Variants in H2BC21 observed in about 807,000 individuals in gnomAD.
H2BC21 encodes histone H2B type 2-E.
In H2BC21, 2 loss-of-function variants were observed where a neutral mutation model predicts 6.2. That is an observed-to-expected ratio of 0.32 (90% CI 0.13 to 1.02). The LOEUF is 1.02. H2BC21 is among the 50% of genes least tolerant of loss of function. The pLI is 0.47. For synonymous variants in H2BC21, 109 were observed against 75.2 expected (o/e 1.45, Z -2.33); for missense variants, 98 against 172.2 (o/e 0.57, Z 2.41).
chr1:149,886,609 G>A lies in H2BC21; in HGVS notation c.32C>T (p.Pro11Leu). 6.2e-7 allele frequency: 1 copy of A among 1,614,052 alleles called. No individual in the cohort carries two copies. Among genetic ancestry groups the A allele is most frequent in the Non-Finnish European group, 8.5e-7 (1 of 1,180,026 alleles). The change falls in exon 1 of 1, where the codon CCT (proline) becomes CTT (leucine). Residue 11 changes from proline (P) to leucine (L), a missense_variant. Physicochemically the swap from Pro to Leu is moderately conservative, Grantham distance 98. This residue lies in a region of H2BC21 where 50 missense variants were observed against 34.4 expected (regional missense o/e 1.45). Coordinates refer to ENST00000369155, the MANE Select transcript of H2BC21 (RefSeq NM_003528.3). ...GACGGCTTTCTTGGAGCCCTTTTTA[G>A]GGGCCGGAGCGGATTTTGCCGGTTC... MPEPAKSAPAPKKGSKKAVTK... is the reference protein window; with the variant it reads MPEPAKSAPALKKGSKKAVTK...
At position 149,886,074 on chromosome 1, in the gene H2BC21, T is replaced by G. The variant is rs2092295962; in HGVS notation, c.*186A>C. On this transcript the variant is annotated 3_prime_UTR_variant, in exon 1 of 1. Transcript: ENST00000369155. ...CGCACTGGGGACCTCGAGTTCCAAA[T>G]AGTTAAAAAGCTACGTATGCCATTT... 1 of 1,033,130 alleles carries G rather than the reference T, an allele frequency of 9.7e-7. No individual in the cohort carries two copies. The highest frequency in any genetic ancestry group is 2.9e-5 in the Admixed American group (1 of 34,734). The allele number at this position is 1,033,130 out of a possible 1,614,324, so 64.0% of individuals were successfully genotyped here.
rs2092300799 is a variant in H2BC21 at position 149,886,646 on chromosome 1, GAC to G, written c.-8_-7del. 1 of 1,612,152 alleles carries G rather than the reference GAC, an allele frequency of 6.2e-7. No homozygotes were observed. On this transcript the variant is annotated 5_prime_UTR_variant, in exon 1 of 1. Coordinates refer to ENST00000369155, the MANE Select transcript of H2BC21 (RefSeq NM_003528.3). Reference sequence around the variant, plus strand: ...GATTTTGCCGGTTCAGGCATGGTAAGACACAGTACAAACGCGGCTTAGCCAAG... The same window carrying G: ...GATTTTGCCGGTTCAGGCATGGTAAGACAGTACAAACGCGGCTTAGCCAAG...
chr1:149,886,679 A>C lies in H2BC21; in HGVS notation c.-39T>G. 6.3e-7 allele frequency: 1 copy of C among 1,585,814 alleles called. No homozygotes were observed. The highest frequency in any genetic ancestry group is 8.6e-7 in the Non-Finnish European group (1 of 1,168,540). ...ACAAACGCGGCTTAGCCAAGAAAAGAAGTAAGAGAATGGGCGGGCCTGATT... is the reference window on the plus strand; with the variant it reads ...ACAAACGCGGCTTAGCCAAGAAAAGCAGTAAGAGAATGGGCGGGCCTGATT... On this transcript the variant is annotated 5_prime_UTR_variant, in exon 1 of 1. Coordinates refer to ENST00000369155, the MANE Select transcript of H2BC21 (RefSeq NM_003528.3).
chr1:149,886,494 G>C lies in H2BC21; in HGVS notation c.147C>G (p.Val49=). The stretch of plus-strand genomic sequence containing the variant: ...TGGACGAGATGCCGGTGTCGGGGTG[G>C]ACCTGCTTCAGCACCTTGTACACGT... ...SIYVYKVLKQ[V]HPDTGISSKA... is the part of the protein sequence containing the mutation. Residue 49 remains valine (V), a synonymous_variant, in exon 1 of 1, where the codon GTC becomes GTG. Transcript: ENST00000369155. 4 of 1,614,286 alleles carry C rather than the reference G, an allele frequency of 2.5e-6. No homozygotes were observed. The highest frequency in any genetic ancestry group is 3.4e-6 in the Non-Finnish European group (4 of 1,180,058).
chr1:149,885,855 T>C lies in H2BC21; in HGVS notation c.*405A>G. The C allele has an allele frequency of 3.2e-6, 1 of 309,520 alleles. No homozygotes were observed. Among genetic ancestry groups the C allele is most frequent in the South Asian group, 2.7e-5 (1 of 36,442 alleles). 19.2% of individuals were successfully genotyped at this position (309,520 alleles called of 1,614,324 possible). A position where few individuals can be genotyped will look rare whatever the true frequency, so the allele number is the denominator to read the frequency against. ...GCTGAATTGTGTCCTGGAGTTCTCT[T>C]AAATGACAGCCGAACTCAGCCACTT... On this transcript the variant is annotated 3_prime_UTR_variant, in exon 1 of 1. Transcript: ENST00000369155.
In H2BC21 at chr1:149,885,845, G is replaced by A. The variant is rs587617486; in HGVS notation, c.*415C>T. On this transcript the variant is annotated 3_prime_UTR_variant, in exon 1 of 1. Coordinates refer to ENST00000369155, the MANE Select transcript of H2BC21 (RefSeq NM_003528.3). Reference sequence around the variant, plus strand: ...CGGAACCCGGGCTGAATTGTGTCCTGGAGTTCTCTTAAATGACAGCCGAAC... The same window carrying A: ...CGGAACCCGGGCTGAATTGTGTCCTAGAGTTCTCTTAAATGACAGCCGAAC... 429 of 302,716 alleles carry A rather than the reference G, an allele frequency of 1.4e-3. No individual in the cohort carries two copies. The highest frequency in any genetic ancestry group is 1.6e-3 in the Non-Finnish European group (254 of 157,074). The allele number at this position is 302,716 out of a possible 1,614,324, so 18.8% of individuals were successfully genotyped here.
chr1:149,885,397 G>A lies in H2BC21; in HGVS notation c.*863C>T, dbSNP rs1553759550. 1 of 152,194 alleles carries A rather than the reference G, an allele frequency of 6.6e-6. No homozygotes were observed. The highest frequency in any genetic ancestry group is 2.4e-5 in the African/African-American group (1 of 41,424). 9.4% of individuals were successfully genotyped at this position (152,194 alleles called of 1,614,324 possible). A position where few individuals can be genotyped will look rare whatever the true frequency, so the allele number is the denominator to read the frequency against. On this transcript the variant is annotated 3_prime_UTR_variant, in exon 1 of 1. Coordinates refer to ENST00000369155, the MANE Select transcript of H2BC21 (RefSeq NM_003528.3). ...AATTTCAGACAGCTGCTAGAAGGAA[G>A]ATAAAATGAGACAGGCAAGTATGAG...
In H2BC21 at chr1:149,886,565, C is replaced by T. The variant is rs782189207; in HGVS notation, c.76G>A (p.Asp26Asn). 1.2e-6 allele frequency: 2 copies of T among 1,614,242 alleles called. No homozygotes were observed. The highest frequency in any genetic ancestry group is 1.3e-5 in the African/African-American group (1 of 75,068). The change falls in exon 1 of 1, where the codon GAC (aspartate) becomes AAC (asparagine). Residue 26 changes from aspartate (D) to asparagine (N), a missense_variant. Transcript: ENST00000369155. ...KKAVTKAQKK[D>N]GKKRKRSRKE... ...CGGCTGCGCTTGCGCTTCTTGCCGT[C>T]TTTCTTCTGGGCTTTGGTGACGGCT... is the stretch of plus-strand genomic sequence containing the variant.
In H2BC21 at chr1:149,886,443, G is replaced by T. The variant is rs1553759729; in HGVS notation, c.198C>A (p.Phe66Leu). 1.9e-6 allele frequency: 3 copies of T among 1,614,250 alleles called. No individual in the cohort carries two copies. The highest frequency in any genetic ancestry group is 2.5e-6 in the Non-Finnish European group (3 of 1,180,040). ...CGATGCGCTCGAAGATGTCGTTGAC[G>T]AAGGAGTTCATGATGCCCATGGCCT... ...SSKAMGIMNS[F>L]VNDIFERIAG... The change falls in exon 1 of 1, where the codon TTC becomes TTA. Residue 66 changes from phenylalanine (F) to leucine (L), a missense_variant. By Grantham distance (22) the Phe-to-Leu change is conservative. Coordinates refer to ENST00000369155, the MANE Select transcript of H2BC21 (RefSeq NM_003528.3).
rs1553759778 is a variant in H2BC21 at position 149,886,623 on chromosome 1, T to C, written c.18A>G (p.Lys6=). Residue 6 remains lysine (K), a synonymous_variant, in exon 1 of 1, where the codon AAA becomes AAG. Transcript: ENST00000369155. ...AGCCCTTTTTAGGGGCCGGAGCGGATTTTGCCGGTTCAGGCATGGTAAGAC... is the reference window on the plus strand; with the variant it reads ...AGCCCTTTTTAGGGGCCGGAGCGGACTTTGCCGGTTCAGGCATGGTAAGAC... The part of the protein sequence containing the change: MPEPA[K]SAPAPKKGSK... 2.5e-6 allele frequency: 4 copies of C among 1,613,870 alleles called. No homozygotes were observed. Among genetic ancestry groups the C allele is most frequent in the African/African-American group, 1.3e-5 (1 of 74,926 alleles).
chr1:149,886,383 C>T lies in H2BC21; in HGVS notation c.258G>A (p.Lys86=). 6.2e-7 allele frequency: 1 copy of T among 1,614,212 alleles called. No homozygotes were observed. The highest frequency in any genetic ancestry group is 8.5e-7 in the Non-Finnish European group (1 of 1,180,050). The change falls in exon 1 of 1, where the codon AAG becomes AAA. Residue 86 remains lysine (K), a synonymous_variant. Coordinates refer to ENST00000369155, the MANE Select transcript of H2BC21 (RefSeq NM_003528.3). The stretch of plus-strand genomic sequence containing the variant: ...TCTCGCGGGATGTGATGGTGGAGCG[C>T]TTGTTGTAGTGCGCCAGGCGGGAAG... The part of the protein sequence containing the change: ...GEASRLAHYN[K]RSTITSREIQ...
In H2BC21 at chr1:149,886,497, C is replaced by T; in HGVS notation, c.144G>A (p.Gln48=). The change falls in exon 1 of 1, where the codon CAG becomes CAA. Residue 48 remains glutamine (Q), a synonymous_variant. Coordinates refer to ENST00000369155, the MANE Select transcript of H2BC21 (RefSeq NM_003528.3). ...YSIYVYKVLK[Q]VHPDTGISSK... ...ACGAGATGCCGGTGTCGGGGTGGAC[C>T]TGCTTCAGCACCTTGTACACGTAGA... The T allele has an allele frequency of 6.2e-7, 1 of 1,614,270 alleles. No individual in the cohort carries two copies.
rs782590086 is a variant in H2BC21 at position 149,886,563 on chromosome 1, G to A, written c.78C>T (p.Asp26=). Residue 26 remains aspartate, a synonymous_variant, in exon 1 of 1, where the codon GAC becomes GAT. Coordinates refer to ENST00000369155, the MANE Select transcript of H2BC21 (RefSeq NM_003528.3). ...KKAVTKAQKK[D]GKKRKRSRKE... is the part of the protein sequence containing the mutation. ...TGCGGCTGCGCTTGCGCTTCTTGCC[G>A]TCTTTCTTCTGGGCTTTGGTGACGG... 3.0e-5 allele frequency: 49 copies of A among 1,614,122 alleles called. No homozygotes were observed. Among genetic ancestry groups the A allele is most frequent in the Middle Eastern group, 1.6e-4 (1 of 6,084 alleles).
chr1:149,886,257 G>A lies in H2BC21; in HGVS notation c.*3C>T. The A allele has an allele frequency of 3.1e-6, 5 of 1,614,086 alleles. No individual in the cohort carries two copies. Among genetic ancestry groups the A allele is most frequent in the Non-Finnish European group, 3.4e-6 (4 of 1,179,966 alleles). ...CGAGCGAGCGCCAGGTCCCGGCAGG[G>A]ACTCACTTGGAGCTGGTGTACTTGG... is the stretch of plus-strand genomic sequence containing the variant. On this transcript the variant is annotated 3_prime_UTR_variant, in exon 1 of 1. Transcript: ENST00000369155.
Position 149,885,936 on chromosome 1 carries a change from G to T in H2BC21, c.*324C>A. ...ACCAGGGCGCGTGTGGGGCGGGAGT[G>T]GGGGCGGGTAAAGAGGCGGATTCCC... On this transcript the variant is annotated 3_prime_UTR_variant, in exon 1 of 1. Coordinates refer to ENST00000369155, the MANE Select transcript of H2BC21 (RefSeq NM_003528.3). 2.4e-6 allele frequency: 1 copy of T among 413,714 alleles called. No individual in the cohort carries two copies. The highest frequency in any genetic ancestry group is 2.3e-5 in the South Asian group (1 of 44,392). The allele number at this position is 413,714 out of a possible 1,614,324, so 25.6% of individuals were successfully genotyped here. A position where few individuals can be genotyped will look rare whatever the true frequency, so the allele number is the denominator to read the frequency against.
In H2BC21 at chr1:149,885,441, G is replaced by A. The variant is rs1335487520; in HGVS notation, c.*819C>T. On this transcript the variant is annotated 3_prime_UTR_variant, in exon 1 of 1. Coordinates refer to ENST00000369155, the MANE Select transcript of H2BC21 (RefSeq NM_003528.3). Reference sequence around the variant, plus strand: ...GTATGAGAGGCGCGAATTCCTGAGTGGATGACGTAGGTCTCTGAGAGGTGA... The same window carrying A: ...GTATGAGAGGCGCGAATTCCTGAGTAGATGACGTAGGTCTCTGAGAGGTGA... The A allele has an allele frequency of 1.5e-4, 23 of 152,184 alleles. No individual in the cohort carries two copies. The highest frequency in any genetic ancestry group is 1.5e-3 in the Admixed American group (23 of 15,274). 9.4% of individuals were successfully genotyped at this position (152,184 alleles called of 1,614,324 possible).
rs1219605355 is a variant in H2BC21, at chr1:149,885,803, C to CT, written c.*456dup. ...GCTGCCAAGCGTCAGTCATACAGAGCTGTCACGCAGTGTTTGCGGAACCCG... is the reference window on the plus strand; with the variant it reads ...GCTGCCAAGCGTCAGTCATACAGAGCTTGTCACGCAGTGTTTGCGGAACCCG... On this transcript the variant is annotated 3_prime_UTR_variant, in exon 1 of 1. Transcript: ENST00000369155. 7.9e-6 allele frequency: 2 copies of CT among 252,572 alleles called. No homozygotes were observed. Among genetic ancestry groups the CT allele is most frequent in the African/African-American group, 4.7e-5 (2 of 42,928 alleles). 15.6% of individuals were successfully genotyped at this position (252,572 alleles called of 1,614,324 possible).
In H2BC21 at chr1:149,885,778, G is replaced by A. The variant is rs1559773910; in HGVS notation, c.*482C>T. On this transcript the variant is annotated 3_prime_UTR_variant, in exon 1 of 1. Coordinates refer to ENST00000369155, the MANE Select transcript of H2BC21 (RefSeq NM_003528.3). Reference sequence around the variant, plus strand: ...GAACTGGTGACCGGACACAAAAGCTGCTGCCAAGCGTCAGTCATACAGAGC... The same window carrying A: ...GAACTGGTGACCGGACACAAAAGCTACTGCCAAGCGTCAGTCATACAGAGC... 1.5e-5 allele frequency: 3 copies of A among 199,148 alleles called. No individual in the cohort carries two copies. The highest frequency in any genetic ancestry group is 2.4e-5 in the African/African-American group (1 of 41,806). 12.3% of individuals were successfully genotyped at this position (199,148 alleles called of 1,614,324 possible). A position where few individuals can be genotyped will look rare whatever the true frequency, so the allele number is the denominator to read the frequency against.
Position 149,884,627 on chromosome 1 carries a change from A to T in H2BC21, c.*1633T>A, listed in dbSNP as rs1203874546. The stretch of plus-strand genomic sequence containing the variant: ...AAAAGCCCTTAGCCAAAAACAGCTG[A>T]ATCACTCATCAAACCATCAGTGTCT... On this transcript the variant is annotated 3_prime_UTR_variant, in exon 1 of 1. Transcript: ENST00000369155. 1 of 152,232 alleles carries T rather than the reference A, an allele frequency of 6.6e-6. No individual in the cohort carries two copies. The highest frequency in any genetic ancestry group is 2.4e-5 in the African/African-American group (1 of 41,452). 9.4% of individuals were successfully genotyped at this position (152,232 alleles called of 1,614,324 possible). A position where few individuals can be genotyped will look rare whatever the true frequency, so the allele number is the denominator to read the frequency against.
Sources: gnomAD v4.1 joint callset for allele counts on GRCh38, gnomAD v4.1.1 for gene constraint, gnomAD v4.1.1 regional missense constraint, MANE v1.5 for transcripts, NCBI Gene and HGNC (gene_info 2026-07-23, HGNC 2026-07-21) for gene names.